Variants in DYNLT5 observed in about 807,000 individuals in gnomAD.
The protein encoded by DYNLT5 is dynein light chain Tctex-type family member 5, also known as dynein light chain Tctex-type 5.
A neutral mutation model predicts 19.3 loss-of-function variants in DYNLT5; 25 were observed. The observed-to-expected ratio is 1.30, with a 90% confidence interval of 0.95 to 1.81. The LOEUF is 1.81. Ranked by LOEUF, DYNLT5 falls within the 40% of genes most tolerant of loss-of-function variation. DYNLT5 has a pLI of 0.00. For missense variants in DYNLT5, 232 were observed against 217.9 expected, an observed-to-expected ratio of 1.06 and a Z score of -0.41; for synonymous variants, 82 against 68.9, an observed-to-expected ratio of 1.19 and a Z score of -0.94.
At chr1:66,760,163 C>T (rs75585417) in intron 2 of DYNLT5, among the ~76,000 whole-genome samples, 11,492 of 152,196 alleles carry the variant, frequency 0.076, 956 homozygotes, top group African/African-American at 0.21. Context: ...TATTTTTTCT[C>T]TTCCCTGAGG....
At chr1:66,765,640 C>CTTTTCT (rs2094653543) in intron 2 of DYNLT5, among the ~76,000 whole-genome samples, 1 of 138,754 alleles carries the variant, frequency 7.2e-6, no homozygotes, top group Non-Finnish European at 1.6e-5. Flanking sequence ...TTTTCTTTTT[C>CTTTTCT]TTTTTTTTTT....
chr1:66,770,470 A>C lies in DYNLT5; in HGVS notation c.203A>C (p.Tyr68Ser), dbSNP rs1248094993. Residue 68 changes from tyrosine to serine, a missense_variant, in exon 3 of 5, where the codon TAT becomes TCT. Coordinates refer to ENST00000282670, the MANE Select transcript of DYNLT5 (RefSeq NM_152665.3). ...SRLTVQMENT[Y>S]QLGPPKHFPV... Reference sequence around the variant, plus strand: ...CTTACAGTTCAGATGGAAAACACCTATCAGTTGGGTGTGTTCTTTTATCTC... The same window carrying C: ...CTTACAGTTCAGATGGAAAACACCTCTCAGTTGGGTGTGTTCTTTTATCTC... 6.2e-7 allele frequency: 1 copy of C among 1,611,858 alleles called. No individual in the cohort carries two copies. The highest frequency in any genetic ancestry group is 8.5e-7 in the Non-Finnish European group (1 of 1,178,306).
At chr1:66,761,725 C>T (rs2094646202) in intron 2 of DYNLT5, among the ~76,000 whole-genome samples, 1 of 152,082 alleles carries the variant, frequency 6.6e-6, no homozygotes, top group East Asian at 1.9e-4. Context: ...TTGCAGTGAG[C>T]TTTGATCATA....
intron 3 of DYNLT5, 156 bp from the exon 4 acceptor site, chr1:66,776,123 G>T (rs1420093731): frequency 1.1e-6 from 1 of 920,900 alleles, no homozygotes; most frequent in Non-Finnish European, 1.5e-6. Context: ...CAGAGCACTT[G>T]ACAGGAAACC....
intron 1 of DYNLT5, among the ~76,000 whole-genome samples, chr1:66,753,383 T>C (rs1451192750): frequency 6.6e-6 from 1 of 152,238 alleles, no homozygotes; most frequent in African/African-American, 2.4e-5. Context: ...CTTAAATTTG[T>C]AGGTAGACAA....
intron 2 of DYNLT5, among the ~76,000 whole-genome samples, chr1:66,767,911 C>T (rs1645175370): frequency 6.6e-6 from 1 of 152,148 alleles, no homozygotes; most frequent in Non-Finnish European, 1.5e-5. Flanking sequence ...ATCTCATTCA[C>T]TCATAAGCCA....
intron 2 of DYNLT5, among the ~76,000 whole-genome samples, chr1:66,760,043 C>G (rs559303794): frequency 6.6e-6 from 1 of 152,202 alleles, no homozygotes; most frequent in East Asian, 1.9e-4. Context: ...CCATGTGGTT[C>G]ATTTCCTCAC....
At position 66,754,711 on chromosome 1, in the gene DYNLT5, G is replaced by A. The variant is rs2150857573; in HGVS notation, c.53G>A (p.Arg18Lys). The A allele has an allele frequency of 1.9e-6, 3 of 1,613,448 alleles. No individual in the cohort carries two copies. In the East Asian group the frequency reaches 6.7e-5, roughly 36 times the overall value. ...AGAGCAGCTCATTCATGGAAGAAAA[G>A]AGGGAGTATTTCTTCTCTAAGTAAT... ...KGRAAHSWKK[R>K]GSISSLSNHE... Residue 18 changes from arginine (R) to lysine (K), a missense_variant, in exon 2 of 5, where the codon AGA (arginine) becomes AAA (lysine). Physicochemically the swap from Arg to Lys is conservative, Grantham distance 26. Coordinates refer to ENST00000282670, the MANE Select transcript of DYNLT5 (RefSeq NM_152665.3).
At position 66,754,657 on chromosome 1, in the gene DYNLT5, T is replaced by A; in HGVS notation, c.-2T>A. 1 of 1,606,560 alleles carries A rather than the reference T, an allele frequency of 6.2e-7. No individual in the cohort carries two copies. The highest frequency in any genetic ancestry group is 8.5e-7 in the Non-Finnish European group (1 of 1,177,718). Reference sequence around the variant, plus strand: ...TTTTACAAAAGTCTTCTTCCATAGGTTATGATGATGTCAGACAATGCTAAA... The same window carrying A: ...TTTTACAAAAGTCTTCTTCCATAGGATATGATGATGTCAGACAATGCTAAA... On this transcript the variant is annotated splice_region_variant and 5_prime_UTR_variant, in exon 2 of 5. Coordinates refer to ENST00000282670, the MANE Select transcript of DYNLT5 (RefSeq NM_152665.3).
At chr1:66,777,141 C>T in intron 4 of DYNLT5, 110 bp from the exon 5 acceptor site, 1 of 893,862 alleles carries the variant, frequency 1.1e-6, no homozygotes, top group East Asian at 2.6e-5. Context: ...CTGAAAGTAT[C>T]TACAATGCAT....
At chr1:66,767,526 G>A (rs1026432943) in intron 2 of DYNLT5, among the ~76,000 whole-genome samples, 3 of 152,124 alleles carry the variant, frequency 2.0e-5, no homozygotes, top group Non-Finnish European at 4.4e-5. Context: ...CCAAAGTGCT[G>A]GGATTACAGG....
chr1:66,758,291 G>T (rs1025132088), intron 2 of DYNLT5, among the ~76,000 whole-genome samples: 1 of 152,290 alleles, frequency 6.6e-6, no homozygotes, highest in South Asian at 2.1e-4. Context: ...TCAGACTTTG[G>T]CAGACACTGA....
intron 1 of DYNLT5, among the ~76,000 whole-genome samples, chr1:66,754,319 T>C (rs2094632287): frequency 6.6e-6 from 1 of 152,220 alleles, no homozygotes; most frequent in African/African-American, 2.4e-5. Context: ...AATACAAATA[T>C]TGGTTTCTGA....
In DYNLT5 at chr1:66,754,734, A is replaced by G; in HGVS notation, c.76A>G (p.Asn26Asp). The G allele has an allele frequency of 6.2e-7, 1 of 1,613,238 alleles. No homozygotes were observed. The highest frequency in any genetic ancestry group is 8.5e-7 in the Non-Finnish European group (1 of 1,179,706). Residue 26 changes from asparagine to aspartate, a missense_variant, in exon 2 of 5, where the codon AAT (asparagine) becomes GAT (aspartate). Physicochemically the swap from Asn to Asp is conservative, Grantham distance 23. Coordinates refer to ENST00000282670, the MANE Select transcript of DYNLT5 (RefSeq NM_152665.3). ...AAGAGGGAGTATTTCTTCTCTAAGT[A>G]ATCATGAATTTTGGCGAAAGGAAAT... ...KKRGSISSLS[N>D]HEFWRKEIHG...
chr1:66,755,267 T>C (rs2150857941), intron 2 of DYNLT5, among the ~76,000 whole-genome samples: 1 of 152,340 alleles, frequency 6.6e-6, no homozygotes, highest in Admixed American at 6.5e-5. Flanking sequence ...TTGGACACTT[T>C]AAGTTTGTTT....
chr1:66,756,348 T>C (rs1449928413), intron 2 of DYNLT5, among the ~76,000 whole-genome samples: 2 of 152,176 alleles, frequency 1.3e-5, no homozygotes, highest in Non-Finnish European at 2.9e-5. Flanking sequence ...TAACTTGTAT[T>C]AATACTTGCT....
At chr1:66,760,705 C>T (rs2094644509) in intron 2 of DYNLT5, among the ~76,000 whole-genome samples, 1 of 152,198 alleles carries the variant, frequency 6.6e-6, no homozygotes, top group East Asian at 1.9e-4. Context: ...GTATTCATGG[C>T]ACCTGCACTA....
Position 66,753,038 on chromosome 1 carries a change from C to T in DYNLT5, c.-4+454C>T, listed in dbSNP as rs144695843. On this transcript the variant is annotated intron_variant, in intron 1 of 4. Transcript: ENST00000282670. ...ATCAGGCTGTGTGTCTTTCCACACT[C>T]ATAAACACACTCACCTTCGTACACA... 8.5e-5 allele frequency among the ~76,000 whole-genome samples: 13 copies of T among 152,314 alleles called. No homozygotes were observed. The East Asian group carries it at 2.5e-3, about 29-fold the overall frequency.
At chr1:66,764,751 G>T (rs570995227) in intron 2 of DYNLT5, among the ~76,000 whole-genome samples, 2 of 152,214 alleles carry the variant, frequency 1.3e-5, no homozygotes, top group Non-Finnish European at 2.9e-5. Flanking sequence ...AACACACATT[G>T]TGTGCAAAGC....
Sources: gnomAD v4.1 joint callset for allele counts (sites outside exome capture counted in the v4.1 genomes callset) on GRCh38, gnomAD v4.1.1 for gene constraint, MANE v1.5 for transcripts, NCBI Gene and HGNC (gene_info 2026-07-23, HGNC 2026-07-21) for gene names.